Variants in LDLRAD4 observed in about 807,000 individuals in gnomAD.
LDLRAD4 encodes low-density lipoprotein receptor class A domain-containing protein 4.
Under a neutral mutation model 17.0 loss-of-function variants are expected in LDLRAD4, and 5 were observed. The observed-to-expected ratio is 0.29, with a 90% confidence interval of 0.15 to 0.62. The LOEUF (loss-of-function observed/expected upper bound fraction) is 0.62. Among genes scored for constraint, LDLRAD4 ranks in the 20% least tolerant of loss-of-function variants. The pLI is 0.84. For missense variants in LDLRAD4, 340 were observed against 424.7 expected, an observed-to-expected ratio of 0.80 and a Z score of 1.75; for synonymous variants, 168 against 171.8, an observed-to-expected ratio of 0.98 and a Z score of 0.17.
intron 1 of LDLRAD4, among the ~76,000 whole-genome samples, chr18:13,346,143 G>C (rs1355908498): frequency 6.6e-6 from 1 of 152,088 alleles, no homozygotes; most frequent in Non-Finnish European, 1.5e-5. Context: ...GTTTGCTCTT[G>C]CTTCTCTAGT....
chr18:13,428,424 G>A (rs2090101453), intron 2 of LDLRAD4, among the ~76,000 whole-genome samples: 1 of 152,202 alleles, frequency 6.6e-6, no homozygotes, highest in South Asian at 2.1e-4. Flanking sequence ...GGGAGGGCAA[G>A]GGGAGGCTGG....
intron 1 of LDLRAD4, among the ~76,000 whole-genome samples, chr18:13,340,441 A>G (rs2144034109): frequency 6.6e-6 from 1 of 152,164 alleles, no homozygotes; most frequent in South Asian, 2.1e-4. Flanking sequence ...ATTTTTTTTA[A>G]GTAGCCACGT....
rs116983933 is a variant in LDLRAD4, at chr18:13,604,963, C to A, written c.182-16154C>A. On this transcript the variant is annotated intron_variant, in intron 3 of 5. Transcript: ENST00000359446. ...TTCCAGAATGCTCAAGGGCCAGGAC[C>A]CTTCCTGGCATCTGGCTCTCTCAAG... Among the ~76,000 whole-genome samples the A allele has an allele frequency of 6.8e-4, 104 of 152,230 alleles. 1 individual carries two copies. In the East Asian group the frequency reaches 0.018, roughly 26 times the overall value.
intron 2 of LDLRAD4, among the ~76,000 whole-genome samples, chr18:13,402,870 G>A (rs1247995979): frequency 6.6e-6 from 1 of 152,204 alleles, no homozygotes; most frequent in African/African-American, 2.4e-5. Context: ...TATCACATTT[G>A]CGAATGACAG....
chr18:13,368,709 A>G (rs2084249540), intron 1 of LDLRAD4, among the ~76,000 whole-genome samples: 2 of 152,116 alleles, frequency 1.3e-5, no homozygotes, highest in South Asian at 2.1e-4. Flanking sequence ...GAGCATCTTC[A>G]GTTTTGGAGG....
chr18:13,539,388 A>G (rs2094244099), intron 3 of LDLRAD4, among the ~76,000 whole-genome samples: 1 of 152,224 alleles, frequency 6.6e-6, no homozygotes, highest in Non-Finnish European at 1.5e-5. Flanking sequence ...TTTGCATAGA[A>G]AAAGAGCTGT....
chr18:13,528,147 G>A (rs2094064269), intron 3 of LDLRAD4, among the ~76,000 whole-genome samples: 1 of 152,188 alleles, frequency 6.6e-6, no homozygotes, highest in Admixed American at 6.5e-5. Context: ...CCTGGTAGCA[G>A]ATCCCTGAGA....
intron 3 of LDLRAD4, among the ~76,000 whole-genome samples, chr18:13,441,181 C>T (rs2090999464): frequency 1.3e-5 from 2 of 152,168 alleles, no homozygotes. Flanking sequence ...TATTCTCTTC[C>T]CCGTATTCTG....
intron 1 of LDLRAD4, among the ~76,000 whole-genome samples, chr18:13,356,696 C>CT (rs1233752014): frequency 6.6e-6 from 1 of 152,200 alleles, no homozygotes; most frequent in Non-Finnish European, 1.5e-5. Flanking sequence ...CCTCTGTGTG[C>CT]TGCCCCTTTC....
intron 1 of LDLRAD4, among the ~76,000 whole-genome samples, chr18:13,366,412 C>A (rs2084057785): frequency 6.6e-6 from 1 of 152,132 alleles, no homozygotes; most frequent in Non-Finnish European, 1.5e-5. Context: ...CCCCAAAGAC[C>A]ACTAACAGGA....
intron 3 of LDLRAD4, among the ~76,000 whole-genome samples, chr18:13,530,335 T>C (rs945436453): frequency 6.6e-6 from 1 of 152,204 alleles, no homozygotes; most frequent in African/African-American, 2.4e-5. Flanking sequence ...GATGGCCTCC[T>C]CCTTTTTGCT....
intron 3 of LDLRAD4, among the ~76,000 whole-genome samples, chr18:13,498,259 A>G (rs1365359875): frequency 2.7e-5 from 4 of 149,736 alleles, no homozygotes; most frequent in Non-Finnish European, 5.9e-5. Context: ...TGGACACTGG[A>G]GAATCCTTTT....
Position 13,300,113 on chromosome 18 carries a change from A to T in LDLRAD4, c.-383+21925A>T, listed in dbSNP as rs761108649. On this transcript the variant is annotated intron_variant, in intron 1 of 5. Transcript: ENST00000359446. The surrounding 1 kb of genome is among the most constrained non-coding windows in gnomAD (Gnocchi z 4.2). ...CCCATGTGGCTCTGCCCCATGCTTC[A>T]CACATCTTGGTTCCTGCAAATTCCA... Among the ~76,000 whole-genome samples the T allele has an allele frequency of 1.3e-5, 2 of 152,030 alleles. No homozygotes were observed. Among genetic ancestry groups the T allele is most frequent in the Non-Finnish European group, 1.5e-5 (1 of 67,988 alleles).
chr18:13,342,765 A>G (rs1400318032), intron 1 of LDLRAD4, among the ~76,000 whole-genome samples: 2 of 151,746 alleles, frequency 1.3e-5, no homozygotes, highest in African/African-American at 4.8e-5. Flanking sequence ...GACAAAATAT[A>G]GTTGGATTCT....
intron 2 of LDLRAD4, among the ~76,000 whole-genome samples, chr18:13,437,433 A>G (rs2090738271): frequency 6.6e-6 from 1 of 152,328 alleles, no homozygotes; most frequent in Middle Eastern, 3.4e-3. Context: ...AACTTCCTTT[A>G]TTCTTCATTG....
chr18:13,542,628 G>C (rs576259560), intron 3 of LDLRAD4, among the ~76,000 whole-genome samples: 1 of 152,272 alleles, frequency 6.6e-6, no homozygotes, highest in African/African-American at 2.4e-5. Flanking sequence ...CCTCTTCCAG[G>C]CAGCCCTCAG....
intron 3 of LDLRAD4, among the ~76,000 whole-genome samples, chr18:13,497,085 C>T (rs1417586586): frequency 6.6e-6 from 1 of 152,242 alleles, no homozygotes; most frequent in Non-Finnish European, 1.5e-5. Context: ...CAGCCTGCTG[C>T]CTGACTCATA....
At chr18:13,383,474 G>T (rs1239973602) in intron 1 of LDLRAD4, among the ~76,000 whole-genome samples, 1 of 152,216 alleles carries the variant, frequency 6.6e-6, no homozygotes, top group Non-Finnish European at 1.5e-5. Context: ...TCCAGGGAGG[G>T]TTGTTTGGGC....
intron 3 of LDLRAD4, among the ~76,000 whole-genome samples, chr18:13,447,516 G>A (rs1213828582): frequency 6.6e-6 from 1 of 152,238 alleles, no homozygotes; most frequent in East Asian, 1.9e-4. Flanking sequence ...ATTTCCTCCT[G>A]CTGTGACACT....
Sources: allele counts gnomAD v4.1 joint callset (sites outside exome capture counted in the v4.1 genomes callset), GRCh38; gene constraint gnomAD v4.1.1; non-coding constraint Gnocchi (gnomAD v3.1); transcripts MANE v1.5; gene names NCBI Gene and HGNC (gene_info 2026-07-23, HGNC 2026-07-21).